The following RTTN variants were observed in gnomAD, a reference collection of about 807,000 sequenced individuals.
The protein encoded by RTTN is rotatin.
Under a neutral mutation model 269.2 loss-of-function variants are expected in RTTN, and 182 were observed. The ratio of observed to expected loss-of-function variants is 0.68; its 90% CI spans 0.60 to 0.76. The LOEUF is 0.76. RTTN is among the 30% of genes least tolerant of loss of function. The pLI is 0.00. For missense variants in RTTN, 2,545 were observed against 2,608.6 expected (o/e 0.98, Z 0.53); for synonymous variants, 1,006 against 963.5 (o/e 1.04, Z -0.82).
chr18:70,173,993 T>C (rs957218692), intron 11 of RTTN, among the ~76,000 whole-genome samples: 22 of 152,018 alleles, frequency 1.4e-4, no homozygotes, highest in Non-Finnish European at 1.2e-4. Context: ...GAGTGTGGCT[T>C]GGAGAAGGAG....
At position 70,205,248 on chromosome 18, in the gene RTTN, T is replaced by C; in HGVS notation, c.99A>G (p.Leu33=). Residue 33 remains leucine, a synonymous_variant, in exon 2 of 49, where the codon TTA becomes TTG. Transcript: ENST00000640769. The part of the protein sequence containing the change: ...KSILCKIEHN[L]ICYADLIQER... ...CCTGAATGAGATCAGCGTAGCAGAT[T>C]AAGTTGTGCTCAATCTTGCAGAGAA... The C allele has an allele frequency of 6.2e-7, 1 of 1,614,196 alleles. No homozygotes were observed.
At chr18:70,091,350 G>A (rs953832534) in intron 30 of RTTN, among the ~76,000 whole-genome samples, 1 of 151,972 alleles carries the variant, frequency 6.6e-6, no homozygotes, top group African/African-American at 2.4e-5. Flanking sequence ...AGGGTTTCTA[G>A]GAGATAATTA....
In RTTN at chr18:70,127,664, T is replaced by A. The variant is rs1421296147; in HGVS notation, c.3221A>T (p.Asp1074Val). 6.2e-7 allele frequency: 1 copy of A among 1,613,490 alleles called. No individual in the cohort carries two copies. Among genetic ancestry groups the A allele is most frequent in the South Asian group, 1.1e-5 (1 of 91,062 alleles). Residue 1074 changes from aspartate (D) to valine (V), a missense_variant, in exon 25 of 49, where the codon GAC (aspartate) becomes GTC (valine). Physicochemically the swap from Asp to Val is radical, Grantham distance 152. Transcript: ENST00000640769. Reference sequence around the variant, plus strand: ...AGCCTGAACAATGGAATGGAGGCAGTCCTGCAGCCCACTAGCCATGTGTGT... The same window carrying A: ...AGCCTGAACAATGGAATGGAGGCAGACCTGCAGCCCACTAGCCATGTGTGT... Reference protein sequence around the residue: ...KITHMASGLQDCLHSIVQAAT... With the variant: ...KITHMASGLQVCLHSIVQAAT...
chr18:70,048,457 A>G (rs552933346), intron 39 of RTTN, among the ~76,000 whole-genome samples: 2 of 152,360 alleles, frequency 1.3e-5, no homozygotes, highest in African/African-American at 2.4e-5. Flanking sequence ...CTTAATACAG[A>G]GTGGAAAGAA....
chr18:70,077,148 C>G (rs1298227433), intron 32 of RTTN, among the ~76,000 whole-genome samples: 1 of 151,780 alleles, frequency 6.6e-6, no homozygotes, highest in Non-Finnish European at 1.5e-5. Flanking sequence ...AGTGATTAAT[C>G]AAAGTTGTAC....
At chr18:70,059,468 C>A (rs2057912964) in intron 36 of RTTN, among the ~76,000 whole-genome samples, 1 of 152,062 alleles carries the variant, frequency 6.6e-6, no homozygotes, top group African/African-American at 2.4e-5. Context: ...AATAATTTTT[C>A]AACCCAGGGA....
chr18:70,061,122 T>C (rs1323457430), intron 35 of RTTN, among the ~76,000 whole-genome samples: 1 of 152,152 alleles, frequency 6.6e-6, no homozygotes, highest in Non-Finnish European at 1.5e-5. Flanking sequence ...AGCAGCTGGA[T>C]TGCTGGATCA....
intron 11 of RTTN, among the ~76,000 whole-genome samples, chr18:70,170,431 G>A (rs999248716): frequency 4.6e-5 from 7 of 152,226 alleles, no homozygotes; most frequent in Non-Finnish European, 1.0e-4. Context: ...AGTGGAGGCA[G>A]GGAACTGCTA....
At chr18:70,139,871 A>T in intron 20 of RTTN, 155 bp from the exon 21 acceptor site, 4 of 631,704 alleles carry the variant, frequency 6.3e-6, no homozygotes, top group Non-Finnish European at 1.1e-5. Flanking sequence ...CTTTCCACTG[A>T]AAGTAAGTTT....
In RTTN at chr18:70,051,405, T is replaced by G. The variant is rs756401052; in HGVS notation, c.5323+6A>C. 1.9e-6 allele frequency: 3 copies of G among 1,599,798 alleles called. No homozygotes were observed. Among genetic ancestry groups the G allele is most frequent in the Non-Finnish European group, 2.6e-6 (3 of 1,176,364 alleles). ...AGCCCCCAAGATTATGCAAGTATCT[T>G]CTTACCAATCGCCGCTGTCCAGTGC... On this transcript the variant is annotated splice_donor_region_variant and intron_variant, in intron 39 of 48. Coordinates refer to ENST00000640769, the MANE Select transcript of RTTN (RefSeq NM_173630.4).
intron 14 of RTTN, among the ~76,000 whole-genome samples, chr18:70,153,333 T>C (rs1449246127): frequency 6.6e-6 from 1 of 152,076 alleles, no homozygotes; most frequent in Non-Finnish European, 1.5e-5. Flanking sequence ...TTTTTATGTA[T>C]TTAAGGAATT....
chr18:70,165,753 T>C (rs926508602), intron 14 of RTTN, among the ~76,000 whole-genome samples: 1 of 152,016 alleles, frequency 6.6e-6, no homozygotes, highest in African/African-American at 2.4e-5. Flanking sequence ...CCTAAAAGGT[T>C]TCCTGGGCAT....
At chr18:70,149,625 A>G (rs2060486741) in intron 16 of RTTN, among the ~76,000 whole-genome samples, 1 of 151,774 alleles carries the variant, frequency 6.6e-6, no homozygotes, top group Admixed American at 6.6e-5. Flanking sequence ...AGAACTCATG[A>G]GGCAAGTTAG....
rs1419462755 is a variant in RTTN at position 70,054,160 on chromosome 18, A to T, written c.5156T>A (p.Ile1719Asn). The change falls in exon 38 of 49, where the codon ATT becomes AAT. Residue 1719 changes from isoleucine (I) to asparagine (N), a missense_variant. By Grantham distance (149) the Ile-to-Asn change is moderately radical. Transcript: ENST00000640769. ...VKPLITNIIG[I>N]LTICTKDVLD... ...TACATCTTTGGTACATATGGTGAGA[A>T]TTCCAATGATATTGGTGATAAGAGG... 1.2e-6 allele frequency: 2 copies of T among 1,613,554 alleles called. No homozygotes were observed. Among genetic ancestry groups the T allele is most frequent in the Non-Finnish European group, 1.7e-6 (2 of 1,179,504 alleles).
intron 39 of RTTN, among the ~76,000 whole-genome samples, chr18:70,049,258 C>T (rs192393209): frequency 2.9e-4 from 44 of 152,254 alleles, no homozygotes; most frequent in Admixed American, 2.8e-3. Context: ...CCAAAACAAG[C>T]TGCAGGCCAG....
At chr18:70,091,121 G>C (rs930894395) in intron 30 of RTTN, among the ~76,000 whole-genome samples, 4 of 152,170 alleles carry the variant, frequency 2.6e-5, no homozygotes, top group African/African-American at 9.7e-5. Flanking sequence ...CCCAGATGTG[G>C]TTTAAATGAC....
At position 70,150,633 on chromosome 18, in the gene RTTN, A is replaced by C. The variant is rs200056219; in HGVS notation, c.2030T>G (p.Phe677Cys). ...HPKVLYEISVFGIQEPESEVN... is the reference protein window; with the variant it reads ...HPKVLYEISVCGIQEPESEVN... ...CTCACTTTCGGGCTCTTGAATGCCA[A>C]ATACAGAGATTTCATACAGAACTTT... Residue 677 changes from phenylalanine (F) to cysteine (C), a missense_variant, in exon 15 of 49, where the codon TTT becomes TGT. Physicochemically the swap from Phe to Cys is radical, Grantham distance 205 (BLOSUM62 -2). Coordinates refer to ENST00000640769, the MANE Select transcript of RTTN (RefSeq NM_173630.4). The C allele has an allele frequency of 1.4e-4, 229 of 1,612,458 alleles. No homozygotes were observed. Among genetic ancestry groups the C allele is most frequent in the Non-Finnish European group, 1.9e-4 (220 of 1,178,996 alleles).
chr18:70,041,837 A>C (rs751180059), intron 40 of RTTN, among the ~76,000 whole-genome samples: 51 of 152,040 alleles, frequency 3.4e-4, no homozygotes, highest in Admixed American at 5.2e-4. Context: ...GCTACATAAC[A>C]TTTGGCAGTT....
At chr18:70,145,821 A>G in intron 17 of RTTN, 38 bp from the exon 18 acceptor site, 2 of 1,522,572 alleles carry the variant, frequency 1.3e-6, no homozygotes, top group Non-Finnish European at 1.8e-6. Flanking sequence ...CTTTCGTGAT[A>G]TGCAAATGTC....
Sources: gnomAD v4.1 joint callset for allele counts (sites outside exome capture counted in the v4.1 genomes callset) on GRCh38, gnomAD v4.1.1 for gene constraint, MANE v1.5 for transcripts, NCBI Gene and HGNC (gene_info 2026-07-23, HGNC 2026-07-21) for gene names.